Variants in PDZRN3 observed in about 807,000 individuals in gnomAD.
PDZRN3 encodes PDZ domain containing ring finger 3, also known as E3 ubiquitin-protein ligase PDZRN3.
In PDZRN3, 38 loss-of-function variants were observed where a neutral mutation model predicts 85.7. The observed-to-expected ratio is 0.44, with a 90% confidence interval of 0.34 to 0.58. The LOEUF (loss-of-function observed/expected upper bound fraction) is 0.58. Ranked by LOEUF, PDZRN3 falls within the 20% of genes least tolerant of loss-of-function variation. PDZRN3 has a pLI of 0.01. For missense variants in PDZRN3, 1,629 were observed against 1,506.4 expected (o/e 1.08, Z -1.35); for synonymous variants, 759 against 638.0 (o/e 1.19, Z -2.86).
At chr3:73,604,716 A>G (rs1702568225) in intron 2 of PDZRN3, among the ~76,000 whole-genome samples, 1 of 152,220 alleles carries the variant, frequency 6.6e-6, no homozygotes, top group Non-Finnish European at 1.5e-5. Context: ...TGATTTAACC[A>G]CTTTGCATTT....
chr3:73,476,074 A>G (rs1418150817), intron 3 of PDZRN3, among the ~76,000 whole-genome samples: 1 of 152,232 alleles, frequency 6.6e-6, no homozygotes, highest in Non-Finnish European at 1.5e-5. Context: ...TGTGGCAGTC[A>G]GCCTCCAACA....
At chr3:73,408,584 G>A (rs1401310699) in intron 3 of PDZRN3, among the ~76,000 whole-genome samples, 1 of 148,396 alleles carries the variant, frequency 6.7e-6, no homozygotes, top group Admixed American at 6.6e-5. Context: ...GGGATTCTTG[G>A]AGGAGGGGGG....
At chr3:73,622,960 C>A (rs6782083) in intron 1 of PDZRN3, among the ~76,000 whole-genome samples, 2,016 of 152,202 alleles carry the variant, frequency 0.013, 49 homozygotes, top group African/African-American at 0.046. Flanking sequence ...CAGCTTTGCA[C>A]CCAAAAGCTG....
intron 3 of PDZRN3, among the ~76,000 whole-genome samples, chr3:73,559,415 T>C (rs1357053252): frequency 7.3e-6 from 1 of 137,144 alleles, no homozygotes; most frequent in East Asian, 2.2e-4. Context: ...TGAGGTCTAA[T>C]CTACAAAATA....
chr3:73,488,905 G>C (rs1486164840), intron 3 of PDZRN3, among the ~76,000 whole-genome samples: 1 of 152,234 alleles, frequency 6.6e-6, no homozygotes, highest in Non-Finnish European at 1.5e-5. Flanking sequence ...ATCCTTGGTG[G>C]GGCCTGGGAG....
intron 5 of PDZRN3, among the ~76,000 whole-genome samples, chr3:73,397,081 T>C (rs1701654155): frequency 6.6e-6 from 1 of 151,488 alleles, no homozygotes; most frequent in African/African-American, 2.4e-5. Flanking sequence ...TTGCCCAGGC[T>C]GGAGTGCGGT....
rs762898477 is a variant in PDZRN3, at chr3:73,382,689, A to G, written c.*676T>C. The G allele has an allele frequency of 3.3e-5, 5 of 152,642 alleles. No homozygotes were observed. The highest frequency in any genetic ancestry group is 7.3e-5 in the Non-Finnish European group (5 of 68,052). 9.5% of individuals were successfully genotyped at this position (152,642 alleles called of 1,614,324 possible). On this transcript the variant is annotated 3_prime_UTR_variant, in exon 10 of 10. Transcript: ENST00000263666. ...ATGCAAATTCTTTCAATGGGCTGCA[A>G]TATTTGCAAACATGCTTTAAACTTC...
intron 3 of PDZRN3, among the ~76,000 whole-genome samples, chr3:73,564,495 T>C (rs1431328246): frequency 1.3e-5 from 2 of 152,164 alleles, no homozygotes; most frequent in East Asian, 1.9e-4. Context: ...CTCAACTCCG[T>C]TCCTTGAGGT....
intron 3 of PDZRN3, among the ~76,000 whole-genome samples, chr3:73,541,982 A>G (rs1704935060): frequency 6.6e-6 from 1 of 152,222 alleles, no homozygotes; most frequent in South Asian, 2.1e-4. Flanking sequence ...GACCTTTGGA[A>G]ATATTCTAGA....
At chr3:73,526,013 T>C (rs954868029) in intron 3 of PDZRN3, among the ~76,000 whole-genome samples, 1 of 152,156 alleles carries the variant, frequency 6.6e-6, no homozygotes. Flanking sequence ...GCTTTAGAGG[T>C]AGATTGTCGG....
At chr3:73,410,642 T>C (rs1701947653) in intron 3 of PDZRN3, among the ~76,000 whole-genome samples, 1 of 152,252 alleles carries the variant, frequency 6.6e-6, no homozygotes, top group African/African-American at 2.4e-5. Context: ...GTCTCACATT[T>C]TAAAATTCTT....
rs369376322 is a variant in PDZRN3 at position 73,502,846 on chromosome 3, G to GA, written c.919-98452dup. ...GCAGCCCTCCTCTCTCAGTTGAAAC[G>GA]AATGATCAAGACGTGGTACCAGAGC... On this transcript the variant is annotated intron_variant, in intron 3 of 9. Coordinates refer to ENST00000263666, the MANE Select transcript of PDZRN3 (RefSeq NM_015009.3). Among the ~76,000 whole-genome samples, 813 of 152,270 alleles carry GA rather than the reference G, an allele frequency of 5.3e-3. 3 individuals carry two copies. The highest frequency in any genetic ancestry group is 0.018 in the African/African-American group (765 of 41,542).
At chr3:73,416,931 A>C (rs1385703608) in intron 3 of PDZRN3, among the ~76,000 whole-genome samples, 1 of 124,206 alleles carries the variant, frequency 8.1e-6, no homozygotes, top group African/African-American at 3.3e-5. Context: ...TCACTCCATC[A>C]CCCAGGCGGG....
intron 3 of PDZRN3, among the ~76,000 whole-genome samples, chr3:73,565,938 T>C (rs1559741205): frequency 1.3e-5 from 2 of 152,160 alleles, no homozygotes; most frequent in Admixed American, 6.5e-5. Flanking sequence ...GCGATAAGGA[T>C]TTTTATGTCA....
At chr3:73,536,795 G>T (rs1704798171) in intron 3 of PDZRN3, among the ~76,000 whole-genome samples, 3 of 151,838 alleles carry the variant, frequency 2.0e-5, no homozygotes, top group African/African-American at 7.3e-5. Context: ...GAAAGGAAAT[G>T]GACTCTGAGA....
intron 3 of PDZRN3, among the ~76,000 whole-genome samples, chr3:73,517,317 T>A (rs1376102764): frequency 6.6e-6 from 1 of 152,216 alleles, no homozygotes; most frequent in East Asian, 1.9e-4. Context: ...AAATTTATAA[T>A]CCTAGTTTGC....
At chr3:73,474,034 C>T (rs2106891558) in intron 3 of PDZRN3, among the ~76,000 whole-genome samples, 1 of 152,328 alleles carries the variant, frequency 6.6e-6, no homozygotes, top group East Asian at 1.9e-4. Context: ...AGAGCCTGGA[C>T]TCAAACCTAA....
chr3:73,530,182 T>A (rs568517832), intron 3 of PDZRN3, among the ~76,000 whole-genome samples: 1 of 152,290 alleles, frequency 6.6e-6, no homozygotes, highest in East Asian at 1.9e-4. Context: ...TGATCTGAAT[T>A]CTCTGTCAGC....
chr3:73,486,969 A>C (rs190042784), intron 3 of PDZRN3, among the ~76,000 whole-genome samples: 25 of 152,276 alleles, frequency 1.6e-4, no homozygotes, highest in African/African-American at 6.0e-4. Context: ...TTTTTGCTCC[A>C]AAGTTGGTGC....
Sources: allele counts gnomAD v4.1 joint callset (sites outside exome capture counted in the v4.1 genomes callset), GRCh38; gene constraint gnomAD v4.1.1; transcripts MANE v1.5; gene names NCBI Gene and HGNC (gene_info 2026-07-23, HGNC 2026-07-21).